Variants in PRH1 observed in about 807,000 individuals in gnomAD.
PRH1 encodes proline rich protein HaeIII subfamily 1, also known as salivary acidic proline-rich phosphoprotein 1/2.
Under a neutral mutation model 7.9 loss-of-function variants are expected in PRH1, and 7 were observed. The observed-to-expected ratio is 0.89, with a 90% CI of 0.50 to 1.67. The LOEUF is 1.67. Ranked by LOEUF, PRH1 falls within the 40% of genes most tolerant of loss-of-function variation. The pLI is 0.00. For missense variants in PRH1, 109 were observed against 223.6 expected, an observed-to-expected ratio of 0.49 and a Z score of 3.27; for synonymous variants, 45 against 80.8, an observed-to-expected ratio of 0.56 and a Z score of 2.38.
chr12:10,988,091 C>T (rs546755374), intron 1 of PRH1, among the ~76,000 whole-genome samples: 12 of 152,176 alleles, frequency 7.9e-5, no homozygotes, highest in Non-Finnish European at 1.2e-4. Context: ...TGCACTTGAT[C>T]CATCCTAAAT....
chr12:10,881,892 A>G (rs563630043), intron 3 of PRH1, among the ~76,000 whole-genome samples: 1 of 152,272 alleles, frequency 6.6e-6, no homozygotes, highest in African/African-American at 2.4e-5. Context: ...TCAGGTGAAA[A>G]CTTTAAATGG....
chr12:10,887,633 T>C (rs1368258350), upstream of PRH1, among the ~76,000 whole-genome samples: 1 of 151,596 alleles, frequency 6.6e-6, no homozygotes, highest in African/African-American at 2.4e-5. Context: ...GCAATTCTCC[T>C]GCCTCAGCCT....
chr12:10,882,933 T>C, intron 2 of PRH1, 128 bp downstream of exon 2: 4 of 1,453,326 alleles, frequency 2.8e-6, no homozygotes, highest in Non-Finnish European at 3.8e-6. Flanking sequence ...GAAAACTGTT[T>C]GTATCTTTGG....
At chr12:11,101,688 G>C (rs1292957856) in intron 1 of PRH1, among the ~76,000 whole-genome samples, 2 of 152,028 alleles carry the variant, frequency 1.3e-5, no homozygotes, top group African/African-American at 4.8e-5. Context: ...TACAGATACA[G>C]AGTAATAACA....
Position 11,033,345 on chromosome 12 carries a change from C to T in PRH1, c.-126+13675G>A, listed in dbSNP as rs190971393. Among the ~76,000 whole-genome samples, 43 of 151,630 alleles carry T rather than the reference C, an allele frequency of 2.8e-4. 1 individual carries two copies. Among genetic ancestry groups the T allele is most frequent in the Middle Eastern group, 3.4e-3 (1 of 294 alleles). ...TTATGCCACTGCACTCCAGCCTGGG[C>T]GACACAGCAAGACTCTGTCAAAAAA... On this transcript the variant is annotated intron_variant, in intron 1 of 3. Transcript: ENST00000539853.
chr12:11,065,506 A>T (rs78333876), intron 1 of PRH1, among the ~76,000 whole-genome samples: 1 of 151,088 alleles, frequency 6.6e-6, no homozygotes, highest in African/African-American at 2.4e-5. Flanking sequence ...TGGTCTCTTT[A>T]TGCTTCATTC....
intron 1 of PRH1, among the ~76,000 whole-genome samples, chr12:11,041,434 T>C (rs1942706765): frequency 1.3e-5 from 2 of 152,024 alleles, no homozygotes; most frequent in Admixed American, 1.3e-4. Flanking sequence ...GATATAGCAA[T>C]TGTAAATATA....
At chr12:11,024,779 T>C (rs2136082046) in intron 1 of PRH1, among the ~76,000 whole-genome samples, 1 of 152,382 alleles carries the variant, frequency 6.6e-6, no homozygotes, top group African/African-American at 2.4e-5. Context: ...ACAATTCCTC[T>C]GTGTATATAT....
intron 1 of PRH1, among the ~76,000 whole-genome samples, chr12:11,038,567 A>G (rs1942554401): frequency 6.6e-6 from 1 of 152,214 alleles, no homozygotes; most frequent in South Asian, 2.1e-4. Context: ...TGTAGCTCAA[A>G]TTTGTTCATT....
chr12:11,022,558 A>C, intron 1 of PRH1: 1 of 1,609,528 alleles, frequency 6.2e-7, no homozygotes, highest in Non-Finnish European at 8.5e-7. Flanking sequence ...AATGATGAGC[A>C]GAAAACACAT....
chr12:11,066,396 G>A (rs1025593472), intron 1 of PRH1, among the ~76,000 whole-genome samples: 1 of 152,030 alleles, frequency 6.6e-6, no homozygotes, highest in Non-Finnish European at 1.5e-5. Context: ...AATCTAAATT[G>A]TTTCTATAGT....
chr12:10,997,320 T>A (rs545553374), intron 1 of PRH1: 35 of 1,614,086 alleles, frequency 2.2e-5, no homozygotes, highest in Non-Finnish European at 2.8e-5. Flanking sequence ...GTGAATGGTA[T>A]CAAGTTTGCT....
chr12:11,092,125 CCACT>C (rs1167169102), intron 1 of PRH1: 1 of 1,457,966 alleles, frequency 6.9e-7, no homozygotes, highest in African/African-American at 1.5e-5. Context: ...GTCTCTTGAA[CCACT>C]CAATGGAATT....
chr12:11,022,315 T>G, intron 1 of PRH1: 1 of 1,614,178 alleles, frequency 6.2e-7, no homozygotes, highest in Non-Finnish European at 8.5e-7. Flanking sequence ...AGCCCAGGCA[T>G]TAGAAGCAAC....
At position 11,026,539 on chromosome 12, in the gene PRH1, C is replaced by G. The variant is rs562276002; in HGVS notation, c.-126+20481G>C. 2.0e-5 allele frequency among the ~76,000 whole-genome samples: 3 copies of G among 151,958 alleles called. No homozygotes were observed. The South Asian group carries it at 6.2e-4, about 32-fold the overall frequency. On this transcript the variant is annotated intron_variant, in intron 1 of 3. Coordinates refer to the PRH1 transcript ENST00000539853. ...CCAAAGGGAAGCCTCTGAAATTCTCCTCTACTGGCAACAAAATATATAAAA... is the reference window on the plus strand; with the variant it reads ...CCAAAGGGAAGCCTCTGAAATTCTCGTCTACTGGCAACAAAATATATAAAA...
intron 2 of PRH1, among the ~76,000 whole-genome samples, chr12:10,967,204 A>G (rs1181340891): frequency 6.6e-6 from 1 of 152,106 alleles, no homozygotes; most frequent in African/African-American, 2.4e-5. Context: ...ACATGTTGTA[A>G]CTAAAATAAA....
At chr12:10,977,407 T>C (rs1454663298) in intron 1 of PRH1, among the ~76,000 whole-genome samples, 1 of 152,044 alleles carries the variant, frequency 6.6e-6, no homozygotes, top group Non-Finnish European at 1.5e-5. Flanking sequence ...GAATTGAAGG[T>C]ATATACTTCA....
intron 1 of PRH1, among the ~76,000 whole-genome samples, chr12:11,128,650 C>A (rs983583427): frequency 4.6e-5 from 7 of 152,192 alleles, no homozygotes; most frequent in Middle Eastern, 6.8e-3. Flanking sequence ...GTGACTGCAG[C>A]AGGAGAATCA....
chr12:10,931,199 A>G (rs1168830630), intron 2 of PRH1: 1 of 1,526,846 alleles, frequency 6.5e-7, no homozygotes, highest in African/African-American at 1.4e-5. Flanking sequence ...CACATTTCTC[A>G]TGAGTTTTGT....
Sources: gnomAD v4.1 joint callset for allele counts (sites outside exome capture counted in the v4.1 genomes callset) on GRCh38, gnomAD v4.1.1 for gene constraint, MANE v1.5 for transcripts, NCBI Gene and HGNC (gene_info 2026-07-23, HGNC 2026-07-21) for gene names.